The following STAG3 variants were observed in gnomAD, a reference collection of about 807,000 sequenced individuals.
STAG3 encodes the protein cohesin subunit SA-3.
In STAG3, 101 loss-of-function variants were observed where a neutral mutation model predicts 160.7. The observed-to-expected ratio is 0.63, with a 90% CI of 0.54 to 0.74. STAG3 has a LOEUF of 0.74. Ranked by LOEUF, STAG3 falls within the 30% of genes least tolerant of loss-of-function variation. The pLI is 0.00. For missense variants in STAG3, 1,188 were observed against 1,517.4 expected, an observed-to-expected ratio of 0.78 and a Z score of 3.61; for synonymous variants, 519 against 585.0, an observed-to-expected ratio of 0.89 and a Z score of 1.63.
intron 25 of STAG3, among the ~76,000 whole-genome samples, chr7:100,202,851 C>T (rs796547465): frequency 6.6e-6 from 1 of 152,156 alleles, no homozygotes; most frequent in Admixed American, 6.5e-5. Flanking sequence ...ATTTATTTTT[C>T]TCTGACCCCA....
intron 2 of STAG3, among the ~76,000 whole-genome samples, chr7:100,181,702 C>T (rs1375599010): frequency 6.6e-6 from 1 of 152,116 alleles, no homozygotes; most frequent in Non-Finnish European, 1.5e-5. Flanking sequence ...AATCCCAACA[C>T]TTTGGGAGGC....
chr7:100,211,077 T>TCCCCCC lies in STAG3; in HGVS notation c.3308_3309insCCCCCC (p.Pro1103_Pro1104dup). 2 of 1,600,800 alleles carry TCCCCCC rather than the reference T, an allele frequency of 1.2e-6. No individual in the cohort carries two copies. Among genetic ancestry groups the TCCCCCC allele is most frequent in the Non-Finnish European group, 1.7e-6 (2 of 1,168,820 alleles). ...GAAGAAAGTCTGCAGCTGAACAGCA[T>TCCCCCC]CCCGCCCACGCCCACCCTCACCTCC... is the stretch of plus-strand genomic sequence containing the variant. On this transcript the variant is annotated inframe_insertion, in exon 30 of 34. Coordinates refer to ENST00000615138, the MANE Select transcript of STAG3 (RefSeq NM_001282717.2).
chr7:100,186,148 C>A (rs1799986928), intron 4 of STAG3, 52 bp from the exon 5 acceptor site: 2 of 1,411,352 alleles, frequency 1.4e-6, no homozygotes, highest in African/African-American at 1.4e-5. Flanking sequence ...TATAGGATTT[C>A]TATTCTGTCA....
In STAG3 at chr7:100,202,521, C is replaced by G. The variant is rs1407687689; in HGVS notation, c.2631C>G (p.Phe877Leu). Residue 877 changes from phenylalanine to leucine, a missense_variant, in exon 25 of 34, where the codon TTC becomes TTG. Transcript: ENST00000615138. Reference protein sequence around the residue: ...LHQRRRLLAGFCKLLLYGVLE... With the variant: ...LHQRRRLLAGLCKLLLYGVLE... ...AGCGGCGCCGCCTCCTAGCCGGGTT[C>G]TGCAAGCTGTTGCTTTATGGGGTGC... 1.2e-6 allele frequency: 2 copies of G among 1,614,206 alleles called. No individual in the cohort carries two copies. Among genetic ancestry groups the G allele is most frequent in the Non-Finnish European group, 1.7e-6 (2 of 1,180,036 alleles).
At chr7:100,191,237 T>C (rs1298360275) in intron 8 of STAG3, among the ~76,000 whole-genome samples, 1 of 152,174 alleles carries the variant, frequency 6.6e-6, no homozygotes, top group African/African-American at 2.4e-5. Flanking sequence ...AAAAAATCTT[T>C]AGACACTGCT....
Position 100,188,259 on chromosome 7 carries a change from C to T in STAG3, c.434-194C>T, listed in dbSNP as rs573249742. Among the ~76,000 whole-genome samples the T allele has an allele frequency of 7.9e-4, 120 of 152,242 alleles. 1 individual carries two copies. The highest frequency in any genetic ancestry group is 5.0e-3 in the South Asian group (24 of 4,824). On this transcript the variant is annotated intron_variant, in intron 5 of 33. Transcript: ENST00000615138. The stretch of plus-strand genomic sequence containing the variant: ...TACACCATAACCTGTGGCTCCCTTC[C>T]TTTGGGTTTTTAGAGAGATTGCCTT...
intron 29 of STAG3, 70 bp downstream of exon 29, chr7:100,205,454 C>G: frequency 6.9e-7 from 1 of 1,441,286 alleles, no homozygotes; most frequent in African/African-American, 1.4e-5. Flanking sequence ...CTTATTTTGT[C>G]AAGTATTTCA....
intron 29 of STAG3, among the ~76,000 whole-genome samples, chr7:100,205,617 G>A (rs1353987273): frequency 6.6e-6 from 1 of 152,106 alleles, no homozygotes; most frequent in African/African-American, 2.4e-5. Context: ...GGCTCACGAG[G>A]TCAGGTGTTC....
Position 100,198,897 on chromosome 7 carries a change from G to C in STAG3, c.1407G>C (p.Gln469His). Residue 469 changes from glutamine to histidine, a missense_variant, in exon 14 of 34, where the codon CAG becomes CAC. Gln to His is a conservative substitution (Grantham distance 24). Transcript: ENST00000615138. ...TGATGGGTGGAAGAGAGCAACGCCA[G>C]AGCCCAGGCGCCCAGAGGACTTTCT... The part of the protein sequence containing the change: ...IRMMGGREQR[Q>H]SPGAQRTFFQ... 2 of 1,612,104 alleles carry C rather than the reference G, an allele frequency of 1.2e-6. No homozygotes were observed. Among genetic ancestry groups the C allele is most frequent in the Non-Finnish European group, 1.7e-6 (2 of 1,179,880 alleles).
chr7:100,181,599 T>A (rs1799647462), intron 2 of STAG3: 1 of 152,640 alleles, frequency 6.6e-6, no homozygotes, highest in Non-Finnish European at 1.5e-5. Context: ...GTCCTTCTCC[T>A]GCCTCATTTC....
rs776239111 is a variant in STAG3, at chr7:100,205,078, C to A, written c.3025C>A (p.Leu1009Met). The stretch of plus-strand genomic sequence containing the variant: ...CAATCAGCCTCCAAATCTGGCATTC[C>A]TGGAGCTCCTTTCAGAGTTTTCCCC... ...SSNQPPNLAF[L>M]ELLSEFSPRL... Residue 1009 changes from leucine (L) to methionine (M), a missense_variant, in exon 28 of 34, where the codon CTG becomes ATG. Around this residue, in one of 4 missense-constraint regions of STAG3, gnomAD observed 647 missense variants for 717.2 expected, o/e 0.90. Coordinates refer to ENST00000615138, the MANE Select transcript of STAG3 (RefSeq NM_001282717.2). The A allele has an allele frequency of 1.9e-6, 3 of 1,614,174 alleles. No individual in the cohort carries two copies. The highest frequency in any genetic ancestry group is 2.5e-6 in the Non-Finnish European group (3 of 1,180,028).
chr7:100,216,907 C>T (rs572328888), downstream of STAG3, among the ~76,000 whole-genome samples: 18 of 152,262 alleles, frequency 1.2e-4, no homozygotes, highest in East Asian at 3.9e-4. Context: ...GATCCAAACC[C>T]GCTGAAAATC....
rs145421500 is a variant in STAG3 at position 100,204,649 on chromosome 7, A to G, written c.2825A>G (p.Glu942Gly). The G allele has an allele frequency of 3.1e-6, 5 of 1,614,144 alleles. No homozygotes were observed. Among genetic ancestry groups the G allele is most frequent in the Non-Finnish European group, 3.4e-6 (4 of 1,180,024 alleles). The change falls in exon 27 of 34, where the codon GAG becomes GGG. Residue 942 changes from glutamate (E) to glycine (G), a missense_variant. This residue lies in a region of STAG3 where 647 missense variants were observed against 717.2 expected (regional missense o/e 0.90). Coordinates refer to ENST00000615138, the MANE Select transcript of STAG3 (RefSeq NM_001282717.2). ...CAGCTGTACACAGAACTGCTGCAGGAGCATGGGCCCCAGGGCCTGAATGAG... is the reference window on the plus strand; with the variant it reads ...CAGCTGTACACAGAACTGCTGCAGGGGCATGGGCCCCAGGGCCTGAATGAG... ...LKQLYTELLQ[E>G]HGPQGLNELP...
chr7:100,180,560 T>C lies in STAG3; in HGVS notation c.4T>C (p.Ser2Pro). M[S>P]SPLQRAVGDT... ...TCATAGCTCCTCCTCTCCAAGCATG[T>C]CTTCCCCGTTGCAAAGAGCTGTGGG... Residue 2 changes from serine (S) to proline (P), a missense_variant, in exon 2 of 34, where the codon TCT (serine) becomes CCT (proline). Ser to Pro is a moderately conservative substitution (Grantham distance 74, BLOSUM62 -1). This residue lies in a region of STAG3 where 296 missense variants were observed against 404.0 expected (regional missense o/e 0.73). Coordinates refer to ENST00000615138, the MANE Select transcript of STAG3 (RefSeq NM_001282717.2). 6.2e-7 allele frequency: 1 copy of C among 1,600,148 alleles called. No homozygotes were observed. The highest frequency in any genetic ancestry group is 1.3e-5 in the African/African-American group (1 of 74,886).
downstream of STAG3, among the ~76,000 whole-genome samples, chr7:100,214,692 A>C (rs1443214763): frequency 1.3e-5 from 2 of 152,136 alleles, no homozygotes; most frequent in African/African-American, 2.4e-5. Flanking sequence ...AGGCCAGGCC[A>C]TGTGTCCTGG....
At chr7:100,215,911 C>T (rs1469513410), downstream of STAG3, among the ~76,000 whole-genome samples, 2 of 152,190 alleles carry the variant, frequency 1.3e-5, no homozygotes, top group Non-Finnish European at 2.9e-5. Context: ...CCTGTCTCTT[C>T]CTGTACCTGG....
At chr7:100,213,893 T>TGG in intron 33 of STAG3, 87 bp downstream of exon 33, 1 of 1,612,728 alleles carries the variant, frequency 6.2e-7, no homozygotes, top group South Asian at 1.1e-5. Context: ...GGCCATAGCC[T>TGG]GGGGGTGGCC....
chr7:100,187,905 C>T (rs57250559), intron 5 of STAG3, among the ~76,000 whole-genome samples: 2,397 of 152,068 alleles, frequency 0.016, 63 homozygotes, highest in African/African-American at 0.055. Flanking sequence ...TACAGGCACC[C>T]GCCACTATGC....
chr7:100,184,329 AT>A (rs1046854816), intron 4 of STAG3, among the ~76,000 whole-genome samples: 33 of 151,228 alleles, frequency 2.2e-4, no homozygotes, highest in African/African-American at 7.5e-4. Flanking sequence ...GAGTTGGTAC[AT>A]TCGTTTTATC....
Sources: gnomAD v4.1 joint callset for allele counts (sites outside exome capture counted in the v4.1 genomes callset) on GRCh38, gnomAD v4.1.1 for gene constraint, gnomAD v4.1.1 regional missense constraint, MANE v1.5 for transcripts, NCBI Gene and HGNC (gene_info 2026-07-23, HGNC 2026-07-21) for gene names.